Variants in C20orf96 observed in about 807,000 individuals in gnomAD.
C20orf96 encodes the protein uncharacterized protein C20orf96.
Under a neutral mutation model 52.6 loss-of-function variants are expected in C20orf96, and 57 were observed. The ratio of observed to expected loss-of-function variants is 1.08; its 90% confidence interval spans 0.88 to 1.35. C20orf96 has a LOEUF of 1.35. Among genes scored for constraint, C20orf96 ranks in the 40% most tolerant of loss-of-function variants. The probability of loss-of-function intolerance (pLI) is 0.00; values close to 1 mark genes in which losing one functional copy is unlikely to be tolerated. For missense variants in C20orf96, 478 were observed against 443.6 expected, an observed-to-expected ratio of 1.08 and a Z score of -0.70; for synonymous variants, 168 against 157.2, an observed-to-expected ratio of 1.07 and a Z score of -0.51.
intron 4 of C20orf96, 56 bp from the exon 5 acceptor site, chr20:279,386 C>G: frequency 2.6e-6 from 4 of 1,548,646 alleles, no homozygotes; most frequent in Non-Finnish European, 3.5e-6. Flanking sequence ...GGCCTGAGCC[C>G]CCGAAAGCCC....
rs1166269395 is a variant in C20orf96, at chr20:271,177, G to A, written c.*30C>T. ...GGCTCCAGGTGCTGGGAAGAGAGCA[G>A]GAGGGGAGGGCGGCCCATGGCACTG... On this transcript the variant is annotated 3_prime_UTR_variant, in exon 11 of 11. Coordinates refer to ENST00000360321, the MANE Select transcript of C20orf96 (RefSeq NM_153269.3). 2 of 1,540,452 alleles carry A rather than the reference G, an allele frequency of 1.3e-6. No individual in the cohort carries two copies. The highest frequency in any genetic ancestry group is 2.4e-5 in the East Asian group (1 of 40,942).
rs1228836192 is a variant in C20orf96 at position 277,446 on chromosome 20, CCCCAGGAGG to C, written c.566-72_566-64del. On this transcript the variant is annotated intron_variant, in intron 6 of 10. Transcript: ENST00000360321. ...CAAGACCTTCCCTCAAGCACCTGGG[CCCCAGGAGG>C]CCCAGGAGGCAAGGTCTCCTTGGCC... The C allele has an allele frequency of 2.3e-5, 36 of 1,569,974 alleles. No homozygotes were observed. The Admixed American group carries it at 3.2e-4, about 14-fold the overall frequency.
At chr20:282,871 CA>C (rs1223117786) in intron 4 of C20orf96, among the ~76,000 whole-genome samples, 2 of 150,980 alleles carry the variant, frequency 1.3e-5, no homozygotes, top group African/African-American at 4.9e-5. Flanking sequence ...AACTCTGTCT[CA>C]AAAAAAAATT....
chr20:275,242 G>A (rs1243613005), intron 10 of C20orf96, among the ~76,000 whole-genome samples: 1 of 152,170 alleles, frequency 6.6e-6, no homozygotes, highest in African/African-American at 2.4e-5. Flanking sequence ...CATGAGGGCG[G>A]GACCAAGGAC....
intron 1 of C20orf96, 64 bp downstream of exon 1, chr20:290,527 G>A (rs7263309): frequency 6.3e-7 from 1 of 1,584,394 alleles, no homozygotes; most frequent in Non-Finnish European, 8.6e-7. Context: ...CAGCGGCGGG[G>A]TGTGAAGTAC....
intron 8 of C20orf96, 27 bp downstream of exon 8, chr20:277,017 G>A (rs45503891): frequency 0.012 from 18,776 of 1,605,008 alleles, 152 homozygotes; most frequent in Non-Finnish European, 0.014. Flanking sequence ...CTGGATCCCC[G>A]CTCCCACACA....
intron 3 of C20orf96, among the ~76,000 whole-genome samples, chr20:285,884 T>C (rs1464047774): frequency 6.6e-6 from 1 of 152,200 alleles, no homozygotes; most frequent in Non-Finnish European, 1.5e-5. Context: ...AGATTACCCA[T>C]ATTTAGAAGT....
At chr20:275,904 C>T in intron 10 of C20orf96, 64 bp downstream of exon 10, 2 of 1,491,500 alleles carry the variant, frequency 1.3e-6, no homozygotes, top group South Asian at 1.1e-5. Context: ...TCCCCAAGAA[C>T]AGAGAGCCTC....
chr20:289,667 G>T lies in C20orf96; in HGVS notation c.79C>A (p.Pro27Thr). The T allele has an allele frequency of 1.9e-6, 3 of 1,612,920 alleles. 1 individual carries two copies. In the Admixed American group the frequency reaches 5.0e-5, roughly 27 times the overall value. ...GTTTCCTGCTTGGACTGCTGCCATG[G>T]AACATAATCCTACAAAATATACAAT... ...VQEFQVPDYV[P>T]WQQSKQETKP... Residue 27 changes from proline (P) to threonine (T), a missense_variant, in exon 3 of 11, where the codon CCA becomes ACA. Pro to Thr is a conservative substitution (Grantham distance 38). Transcript: ENST00000360321.
Position 279,414 on chromosome 20 carries a change from G to A in C20orf96, c.307-84C>T. On this transcript the variant is annotated intron_variant, in intron 4 of 10. Coordinates refer to ENST00000360321, the MANE Select transcript of C20orf96 (RefSeq NM_153269.3). ...GAAAGCCCGTGGACCCGCCGCCCCG[G>A]CCCCGCCAGACGCCCGCCCCCGTGC... 4.2e-6 allele frequency: 6 copies of A among 1,414,284 alleles called. No individual in the cohort carries two copies. The South Asian group carries it at 7.0e-5, about 17-fold the overall frequency. The allele number at this position is 1,414,284 out of a possible 1,614,324, so 87.6% of individuals were successfully genotyped here. A position where few individuals can be genotyped will look rare whatever the true frequency, so the allele number is the denominator to read the frequency against.
At position 289,573 on chromosome 20, in the gene C20orf96, G is replaced by C; in HGVS notation, c.173C>G (p.Thr58Ser). The C allele has an allele frequency of 6.2e-7, 1 of 1,613,618 alleles. No homozygotes were observed. Residue 58 changes from threonine (T) to serine (S), a missense_variant, in exon 3 of 11, where the codon ACT (threonine) becomes AGT (serine). By Grantham distance (58) the Thr-to-Ser change is moderately conservative. Coordinates refer to ENST00000360321, the MANE Select transcript of C20orf96 (RefSeq NM_153269.3). ...CCTCCGCCCACCTGGTTGGACCCTA[G>C]TCAAAGTCTTCATTTTGCTTGTATG... ...SLHTSKMKTL[T>S]RVQPVFHFKP...
At chr20:272,788 T>C (rs1007968466) in intron 10 of C20orf96, among the ~76,000 whole-genome samples, 3 of 152,224 alleles carry the variant, frequency 2.0e-5, no homozygotes, top group African/African-American at 7.2e-5. Context: ...GATACCTCCC[T>C]TTCCTGTACT....
intron 3 of C20orf96, among the ~76,000 whole-genome samples, chr20:287,608 T>C (rs2012419315): frequency 6.6e-6 from 1 of 152,154 alleles, no homozygotes; most frequent in South Asian, 2.1e-4. Flanking sequence ...TCCAAGTCTA[T>C]AGCTTGTCTT....
At chr20:272,692 C>T (rs900201191) in intron 10 of C20orf96, among the ~76,000 whole-genome samples, 2 of 151,964 alleles carry the variant, frequency 1.3e-5, no homozygotes, top group South Asian at 2.1e-4. Flanking sequence ...CATACACATC[C>T]CTCACCCCGC....
chr20:285,231 T>TG (rs2012353516), intron 3 of C20orf96, among the ~76,000 whole-genome samples: 2 of 152,162 alleles, frequency 1.3e-5, no homozygotes, highest in Admixed American at 1.3e-4. Context: ...TACAGGCATT[T>TG]GGGGGGCATA....
At chr20:282,523 G>A (rs551659323) in intron 4 of C20orf96, among the ~76,000 whole-genome samples, 4 of 152,260 alleles carry the variant, frequency 2.6e-5, no homozygotes, top group African/African-American at 7.2e-5. Flanking sequence ...AATTGTCCAC[G>A]TTCAGCTTCT....
At chr20:278,040 T>C (rs2012086572) in intron 6 of C20orf96, among the ~76,000 whole-genome samples, 1 of 152,208 alleles carries the variant, frequency 6.6e-6, no homozygotes, top group Non-Finnish European at 1.5e-5. Flanking sequence ...TAGCCTCGGT[T>C]TCCTCATCTG....
chr20:281,803 C>T (rs945615124), intron 4 of C20orf96, among the ~76,000 whole-genome samples: 7 of 152,102 alleles, frequency 4.6e-5, no homozygotes, highest in Non-Finnish European at 5.9e-5. Context: ...AGGGAGATCC[C>T]ATCTCTACGA....
intron 10 of C20orf96, among the ~76,000 whole-genome samples, chr20:274,926 T>TCTCTGC (rs1337840808): frequency 6.6e-6 from 1 of 152,066 alleles, no homozygotes; most frequent in Admixed American, 6.6e-5. Flanking sequence ...TTCAAGCAAT[T>TCTCTGC]CTCTGCCTCA....
Sources: allele counts gnomAD v4.1 joint callset (sites outside exome capture counted in the v4.1 genomes callset), GRCh38; gene constraint gnomAD v4.1.1; transcripts MANE v1.5; gene names NCBI Gene and HGNC (gene_info 2026-07-23, HGNC 2026-07-21).